The following RAD23B variants were observed in gnomAD, a reference collection of about 807,000 sequenced individuals.
The protein encoded by RAD23B is RAD23 nucleotide excision repair protein B.
RAD23B carries 5 observed loss-of-function variants against 49.1 expected under a neutral mutation model. That is an observed-to-expected ratio of 0.10 (90% CI 0.05 to 0.21). The LOEUF (loss-of-function observed/expected upper bound fraction) is 0.21. Among genes scored for constraint, RAD23B ranks in the 10% least tolerant of loss-of-function variants. The pLI, the probability that RAD23B is intolerant of heterozygous loss-of-function variation, is 1.00. For synonymous variants in RAD23B, 184 were observed against 165.4 expected (o/e 1.11, Z -0.86); for missense variants, 356 against 486.7 (o/e 0.73, Z 2.53).
intron 9 of RAD23B, among the ~76,000 whole-genome samples, chr9:107,326,109 G>A (rs1827197478): frequency 6.6e-6 from 1 of 152,016 alleles, no homozygotes; most frequent in South Asian, 2.1e-4. Context: ...TATGTTGCTG[G>A]ATTTAGCCTG....
At chr9:107,312,559 T>C (rs1826909220) in intron 5 of RAD23B, among the ~76,000 whole-genome samples, 1 of 150,720 alleles carries the variant, frequency 6.6e-6, no homozygotes, top group South Asian at 2.1e-4. Context: ...GTACATTTAG[T>C]GGCAAAACGG....
At chr9:107,317,122 TTACTTG>T (rs1827014582) in intron 5 of RAD23B, among the ~76,000 whole-genome samples, 2 of 146,418 alleles carry the variant, frequency 1.4e-5, no homozygotes, top group East Asian at 4.1e-4. Context: ...GTGTGTGTGT[TTACTTG>T]ACTTTTGCAA....
intron 9 of RAD23B, among the ~76,000 whole-genome samples, chr9:107,325,331 A>G (rs995849635): frequency 6.6e-6 from 1 of 150,752 alleles, no homozygotes; most frequent in African/African-American, 2.5e-5. Flanking sequence ...AAAAAAAAAA[A>G]AAAAAAAAAA....
intron 4 of RAD23B, among the ~76,000 whole-genome samples, chr9:107,310,154 A>G (rs1340047059): frequency 6.6e-6 from 1 of 152,154 alleles, no homozygotes; most frequent in African/African-American, 2.4e-5. Context: ...ATGTGGGGAA[A>G]ATGCTATTGA....
intron 4 of RAD23B, among the ~76,000 whole-genome samples, chr9:107,308,218 ATTTTT>A (rs149392767): frequency 7.7e-5 from 10 of 130,654 alleles, no homozygotes; most frequent in South Asian, 2.4e-4. Context: ...CATTAACTCC[ATTTTT>A]TTTTTTTTTT....
intron 6 of RAD23B, among the ~76,000 whole-genome samples, chr9:107,320,840 G>A (rs567938639): frequency 5.9e-5 from 9 of 152,244 alleles, no homozygotes; most frequent in Non-Finnish European, 8.8e-5. Context: ...CAAAAACATT[G>A]GTTTTAATGC....
intron 3 of RAD23B, among the ~76,000 whole-genome samples, chr9:107,306,083 A>G (rs1265142036): frequency 7.9e-5 from 9 of 113,810 alleles, no homozygotes; most frequent in African/African-American, 1.8e-4. Flanking sequence ...CTATATATCT[A>G]TATATATTTC....
At chr9:107,292,913 A>G (rs1833412117) in intron 1 of RAD23B, among the ~76,000 whole-genome samples, 1 of 152,156 alleles carries the variant, frequency 6.6e-6, no homozygotes, top group Non-Finnish European at 1.5e-5. Context: ...AATTACCCCA[A>G]AACTTAATTA....
At chr9:107,306,351 T>TA (rs748650072) in intron 3 of RAD23B, 28 bp from the exon 4 acceptor site, 95 of 1,594,064 alleles carry the variant, frequency 6.0e-5, no homozygotes, top group Non-Finnish European at 7.5e-5. Flanking sequence ...TATTTTATTG[T>TA]AATTATTTTG....
At chr9:107,300,346 G>A (rs1398729544) in intron 2 of RAD23B, 124 bp downstream of exon 2, 1 of 1,117,482 alleles carries the variant, frequency 8.9e-7, no homozygotes, top group East Asian at 3.1e-5. Context: ...TAAAAGCAGT[G>A]AAAGAGCAGT....
At position 107,287,225 on chromosome 9, in the gene RAD23B, C is replaced by A. The variant is rs559607377; in HGVS notation, c.66+3530C>A. ...TAAGAAAGGTAGATTTAGGAATAAA[C>A]CTTTTGAGATAAAAAAAATACAGTG... is the stretch of plus-strand genomic sequence containing the variant. On this transcript the variant is annotated intron_variant, in intron 1 of 9. Transcript: ENST00000358015. 4.5e-5 allele frequency among the ~76,000 whole-genome samples: 4 copies of A among 88,070 alleles called. No individual in the cohort carries two copies. In the East Asian group the frequency reaches 1.1e-3, roughly 23 times the overall value. 57.8% of individuals were successfully genotyped at this position (88,070 alleles called of 152,430 possible). A position where few individuals can be genotyped will look rare whatever the true frequency, so the allele number is the denominator to read the frequency against.
intron 9 of RAD23B, among the ~76,000 whole-genome samples, chr9:107,327,009 G>T (rs1334383124): frequency 6.6e-6 from 1 of 152,088 alleles, no homozygotes; most frequent in African/African-American, 2.4e-5. Flanking sequence ...TATCTAAGCT[G>T]TCTAATTTGT....
rs1564250825 is a variant in RAD23B at position 107,319,121 on chromosome 9, C to CTTTTTTCTT, written c.681+249_681+257dup. ...CGTGAATTATTCAGAACAAAAATTT[C>CTTTTTTCTT]TTTTTTCTTTTTTTTTTTTTTTTTT... On this transcript the variant is annotated intron_variant, in intron 6 of 9. Transcript: ENST00000358015. Among the ~76,000 whole-genome samples, 28 of 91,544 alleles carry CTTTTTTCTT rather than the reference C, an allele frequency of 3.1e-4. 1 individual carries two copies. Among genetic ancestry groups the CTTTTTTCTT allele is most frequent in the South Asian group, 3.6e-4 (1 of 2,754 alleles). 60.1% of individuals were successfully genotyped at this position (91,544 alleles called of 152,430 possible).
At chr9:107,303,948 A>AT (rs1425155527) in intron 3 of RAD23B, among the ~76,000 whole-genome samples, 11 of 152,206 alleles carry the variant, frequency 7.2e-5, no homozygotes, top group Non-Finnish European at 1.5e-5. Flanking sequence ...ATTATATTGC[A>AT]TACAGTCCTT....
rs1294499471 is a variant in RAD23B, at chr9:107,323,942, A to T, written c.870A>T (p.Gln290His). The T allele has an allele frequency of 6.2e-7, 1 of 1,612,298 alleles. No individual in the cohort carries two copies. The highest frequency in any genetic ancestry group is 1.3e-5 in the African/African-American group (1 of 74,898). Residue 290 changes from glutamine to histidine, a missense_variant, in exon 8 of 10, where the codon CAA becomes CAT. Gln to His is a conservative substitution (Grantham distance 24). Around this residue, in one of 5 missense-constraint regions of RAD23B, gnomAD observed 148 missense variants for 231.7 expected, o/e 0.64. Transcript: ENST00000358015. ...RNQPQFQQMR[Q>H]IIQQNPSLLP... Reference sequence around the variant, plus strand: ...AGCCTCAGTTTCAACAGATGAGACAAATTATTCAGCAGAATCCTTCCTTGC... The same window carrying T: ...AGCCTCAGTTTCAACAGATGAGACATATTATTCAGCAGAATCCTTCCTTGC...
At chr9:107,325,069 C>T (rs756232668) in intron 9 of RAD23B, 65 bp downstream of exon 9, 2 of 1,480,670 alleles carry the variant, frequency 1.4e-6, no homozygotes, top group Admixed American at 3.7e-5. Context: ...AATTCCAGCA[C>T]TTTGGGAGGC....
chr9:107,315,206 C>G (rs556211027), intron 5 of RAD23B, among the ~76,000 whole-genome samples: 18 of 152,232 alleles, frequency 1.2e-4, no homozygotes, highest in African/African-American at 4.1e-4. Context: ...TATCCAATTT[C>G]CCAGCACCAT....
In RAD23B at chr9:107,327,542, T is replaced by C. The variant is rs572635836; in HGVS notation, c.1117-2001T>C. 8.5e-4 allele frequency among the ~76,000 whole-genome samples: 130 copies of C among 152,338 alleles called. 1 individual carries two copies. Among genetic ancestry groups the C allele is most frequent in the African/African-American group, 3.1e-3 (127 of 41,586 alleles). The stretch of plus-strand genomic sequence containing the variant: ...AATTTAATTCATTCGTTATTTAGGA[T>C]TGTGTTAATTTCCACAAGTTTATGA... On this transcript the variant is annotated intron_variant, in intron 9 of 9. Coordinates refer to ENST00000358015, the MANE Select transcript of RAD23B (RefSeq NM_002874.5).
Position 107,306,551 on chromosome 9 carries a change from C to A in RAD23B, c.401C>A (p.Ser134Tyr), listed in dbSNP as rs1826779136. Residue 134 changes from serine (S) to tyrosine (Y), a missense_variant, in exon 4 of 10, where the codon TCT becomes TAT. Physicochemically the swap from Ser to Tyr is moderately radical, Grantham distance 144. This residue lies in a region of RAD23B where 137 missense variants were observed against 122.0 expected (regional missense o/e 1.12). Transcript: ENST00000358015. ...ASITPASATA[S>Y]SEPAPASAAK... is the part of the protein sequence containing the mutation. ...ATCACTCCAGCATCAGCGACAGCATCTTCTGAACCTGCACCTGCTAGTGCA... is the reference window on the plus strand; with the variant it reads ...ATCACTCCAGCATCAGCGACAGCATATTCTGAACCTGCACCTGCTAGTGCA... 1.9e-6 allele frequency: 3 copies of A among 1,614,014 alleles called. No individual in the cohort carries two copies. The South Asian group carries it at 3.3e-5, about 18-fold the overall frequency.
Sources: allele counts gnomAD v4.1 joint callset (sites outside exome capture counted in the v4.1 genomes callset), GRCh38; gene constraint gnomAD v4.1.1; regional missense constraint gnomAD v4.1.1; transcripts MANE v1.5; gene names NCBI Gene and HGNC (gene_info 2026-07-23, HGNC 2026-07-21).